ZNF536: variants seen among roughly 807,000 people sequenced by gnomAD.
The protein encoded by ZNF536 is zinc finger protein 536.
Under a neutral mutation model 84.5 loss-of-function variants are expected in ZNF536, and 13 were observed. That is an observed-to-expected ratio of 0.15 (90% confidence interval 0.10 to 0.24). The LOEUF (loss-of-function observed/expected upper bound fraction) is 0.24, where lower values mean the gene tolerates loss of function less well. ZNF536 is among the 10% of genes least tolerant of loss of function. The probability of loss-of-function intolerance (pLI) is 1.00; values close to 1 mark genes in which losing one functional copy is unlikely to be tolerated. For missense variants in ZNF536, 1,536 were observed against 1,747.5 expected (o/e 0.88, Z 2.16); for synonymous variants, 811 against 742.5 (o/e 1.09, Z -1.50).
At chr19:30,240,328 G>A (rs1201524143) in intron 1 of ZNF536, among the ~76,000 whole-genome samples, 10 of 151,894 alleles carry the variant, frequency 6.6e-5, no homozygotes, top group East Asian at 1.9e-4. Flanking sequence ...AGCCAAGATC[G>A]TGTCACTACA....
At chr19:30,525,891 C>A (rs2044552854) in intron 2 of ZNF536, among the ~76,000 whole-genome samples, 1 of 152,098 alleles carries the variant, frequency 6.6e-6, no homozygotes, top group South Asian at 2.1e-4. Context: ...AGTAGGGAGG[C>A]CACCTGGACA....
exon 2 of ZNF536, chr19:30,711,827 T>C (rs2144801466): frequency 6.6e-6 from 1 of 152,264 alleles, no homozygotes; most frequent in Middle Eastern, 3.4e-3. Flanking sequence ...TTATATAAAA[T>C]GTTGTTAGAA....
intron 2 of ZNF536, among the ~76,000 whole-genome samples, chr19:30,312,256 G>T (rs888952929): frequency 3.9e-5 from 6 of 152,106 alleles, no homozygotes; most frequent in African/African-American, 1.4e-4. Context: ...ACTGTGGGGA[G>T]AAGAGAAGGT....
At position 30,323,717 on chromosome 19, in the gene ZNF536, G is replaced by A. The variant is rs951116071; in HGVS notation, c.-119-28651G>A. 3.9e-5 allele frequency among the ~76,000 whole-genome samples: 6 copies of A among 152,218 alleles called. 1 individual carries two copies. The highest frequency in any genetic ancestry group is 3.9e-4 in the East Asian group (2 of 5,170). On this transcript the variant is annotated intron_variant, in intron 2 of 5. Transcript: ENST00000585628. ...ATGGTTGGGATGTCCAGATGGTCTG[G>A]GCCATGATTAGAGGTGGCATTGCTG...
intron 2 of ZNF536, among the ~76,000 whole-genome samples, chr19:30,487,868 G>GT (rs1342812053): frequency 1.3e-5 from 2 of 152,134 alleles, no homozygotes; most frequent in Non-Finnish European, 2.9e-5. Flanking sequence ...CCTATAATTA[G>GT]TGGTCTCCAA....
chr19:30,476,100 G>A (rs1284305225), intron 2 of ZNF536, among the ~76,000 whole-genome samples: 4 of 152,180 alleles, frequency 2.6e-5, no homozygotes, highest in Non-Finnish European at 4.4e-5. Flanking sequence ...GTTTTCCCAC[G>A]TGTTAGTAAG....
intron 3 of ZNF536, among the ~76,000 whole-genome samples, chr19:30,366,988 C>G (rs909981843): frequency 6.6e-6 from 1 of 152,208 alleles, no homozygotes; most frequent in Non-Finnish European, 1.5e-5. Context: ...GAGGACACAG[C>G]AGGTGTAAAG....
chr19:30,445,659 G>A lies in ZNF536; in HGVS notation c.2097G>A (p.Gly699=), dbSNP rs766026619. The change falls in exon 2 of 5, where the codon GGG becomes GGA. Residue 699 remains glycine (G), a synonymous_variant. Transcript: ENST00000355537. This position sits in a 1 kb window ranked among gnomAD's most constrained non-coding sequence, Gnocchi z 4.5. ...PGSSNVTEES[G]VGGGLSQTGS... The stretch of plus-strand genomic sequence containing the variant: ...CCTCTAACGTCACCGAGGAGAGCGG[G>A]GTCGGAGGCGGCCTCTCCCAGACCG... The A allele has an allele frequency of 1.4e-5, 22 of 1,609,400 alleles. No homozygotes were observed. The highest frequency in any genetic ancestry group is 1.8e-5 in the Non-Finnish European group (21 of 1,177,708).
In ZNF536 at chr19:30,255,668, T is replaced by G. The variant is rs78553683; in HGVS notation, c.-190+26995T>G. Among the ~76,000 whole-genome samples, 909 of 152,312 alleles carry G rather than the reference T, an allele frequency of 6.0e-3. 6 individuals carry two copies. The highest frequency in any genetic ancestry group is 0.021 in the African/African-American group (872 of 41,560). On this transcript the variant is annotated intron_variant, in intron 1 of 5. Coordinates refer to the ZNF536 transcript ENST00000585628. ...AAATCTGGAGACAATAAAAAAAATGTCTTTCTGCAACTTCAATACAGCAGT... is the reference window on the plus strand; with the variant it reads ...AAATCTGGAGACAATAAAAAAAATGGCTTTCTGCAACTTCAATACAGCAGT...
At chr19:30,343,146 GGGAACAGGA>G (rs1247860097) in intron 2 of ZNF536, among the ~76,000 whole-genome samples, 2 of 152,166 alleles carry the variant, frequency 1.3e-5, no homozygotes, top group African/African-American at 4.8e-5. Flanking sequence ...AAGCTTGCCT[GGGAACAGGA>G]CAAGTACCCC....
intron 1 of ZNF536, among the ~76,000 whole-genome samples, chr19:30,229,575 G>GGC (rs564214775): frequency 9.6e-4 from 146 of 152,240 alleles, no homozygotes; most frequent in African/African-American, 3.2e-3. Flanking sequence ...GGGTGGTGGG[G>GGC]GGGGCTCAGC....
At chr19:30,277,606 G>A (rs1370609229) in intron 1 of ZNF536, among the ~76,000 whole-genome samples, 1 of 152,224 alleles carries the variant, frequency 6.6e-6, no homozygotes, top group Non-Finnish European at 1.5e-5. Context: ...GTGTCAGGGT[G>A]GCAACTGCTG....
intron 1 of ZNF536, among the ~76,000 whole-genome samples, chr19:30,248,396 A>AT (rs34048586): frequency 0.027 from 3,643 of 133,936 alleles, 66 homozygotes; most frequent in Non-Finnish European, 0.039. Flanking sequence ...TGCCCTGCTA[A>AT]TTTTTTTTTT....
chr19:30,363,732 G>A (rs1027537485), intron 3 of ZNF536, among the ~76,000 whole-genome samples: 1 of 152,176 alleles, frequency 6.6e-6, no homozygotes, highest in Non-Finnish European at 1.5e-5. Context: ...CTTCCTCTGT[G>A]CTCAGCACTG....
chr19:30,598,310 C>G (rs76340617), intron 1 of ZNF536, among the ~76,000 whole-genome samples: 3 of 152,188 alleles, frequency 2.0e-5, no homozygotes, highest in Non-Finnish European at 4.4e-5. Context: ...TTTGCTGTAA[C>G]ATGCCCTTGT....
chr19:30,305,130 T>C (rs2046305315), intron 2 of ZNF536, among the ~76,000 whole-genome samples: 1 of 152,190 alleles, frequency 6.6e-6, no homozygotes. Context: ...GGCTGCATTT[T>C]CTCTTGTCTG....
intron 3 of ZNF536, among the ~76,000 whole-genome samples, chr19:30,547,391 A>G (rs940405787): frequency 3.3e-5 from 5 of 152,226 alleles, no homozygotes; most frequent in Admixed American, 2.0e-4. Context: ...GTGCCCTCCA[A>G]ATAATGATAA....
intron 1 of ZNF536, among the ~76,000 whole-genome samples, chr19:30,627,647 C>T (rs1035047538): frequency 6.6e-6 from 1 of 152,130 alleles, no homozygotes; most frequent in Non-Finnish European, 1.5e-5. Context: ...TAATGACACT[C>T]AAGTTCTCTG....
intron 1 of ZNF536, among the ~76,000 whole-genome samples, chr19:30,678,661 C>T (rs1365212269): frequency 6.6e-6 from 1 of 152,146 alleles, no homozygotes; most frequent in Non-Finnish European, 1.5e-5. Context: ...AAGCAGGGAG[C>T]CTTGGGAGAA....
Sources: gnomAD v4.1 joint callset for allele counts (sites outside exome capture counted in the v4.1 genomes callset) on GRCh38, gnomAD v4.1.1 for gene constraint, Gnocchi (gnomAD v3.1) non-coding constraint, MANE v1.5 for transcripts, NCBI Gene and HGNC (gene_info 2026-07-23, HGNC 2026-07-21) for gene names.